TENM2: variants seen among roughly 807,000 people sequenced by gnomAD.
The protein encoded by TENM2 is teneurin-2.
In TENM2, 52 loss-of-function variants were observed where a neutral mutation model predicts 245.2. The ratio of observed to expected loss-of-function variants is 0.21; its 90% confidence interval spans 0.17 to 0.27. TENM2 has a LOEUF of 0.27. TENM2 is among the 10% of genes least tolerant of loss of function. The pLI is 1.00. For synonymous variants in TENM2, 1,363 were observed against 1,438.9 expected (o/e 0.95, Z 1.19); for missense variants, 3,046 against 3,666.8 (o/e 0.83, Z 4.37).
chr5:167,140,201 G>A, the TENM2 span, among the ~76,000 whole-genome samples: 3 of 152,042 alleles, frequency 2.0e-5, no homozygotes, highest in Non-Finnish European at 4.4e-5. Flanking sequence ...ATATTTATGG[G>A]GTACATGAGA....
intron 2 of TENM2, among the ~76,000 whole-genome samples, chr5:167,427,460 A>G (rs1234606483): frequency 6.6e-6 from 1 of 150,866 alleles, no homozygotes; most frequent in Non-Finnish European, 1.5e-5. Flanking sequence ...CAGGAAAAAA[A>G]GAAAGGAAGG....
chr5:167,245,507 T>C, the TENM2 span, among the ~76,000 whole-genome samples: 1 of 136,438 alleles, frequency 7.3e-6, no homozygotes, highest in Non-Finnish European at 1.5e-5. Flanking sequence ...GCCAGCCTTT[T>C]CTTTTTCTTT....
intron 5 of TENM2, among the ~76,000 whole-genome samples, chr5:168,012,975 A>G (rs946805304): frequency 6.6e-6 from 1 of 151,980 alleles, no homozygotes; most frequent in Non-Finnish European, 1.5e-5. Context: ...TTCCTGCCTC[A>G]TTGTCTAAGG....
chr5:167,612,365 A>G (rs547165049), intron 2 of TENM2, among the ~76,000 whole-genome samples: 1 of 152,210 alleles, frequency 6.6e-6, no homozygotes, highest in South Asian at 2.1e-4. Flanking sequence ...AGATAAGTTA[A>G]TGTGGCATTT....
chr5:167,322,209 ATT>A (rs1267930932), intron 1 of TENM2, among the ~76,000 whole-genome samples: 1 of 90,648 alleles, frequency 1.1e-5, no homozygotes, highest in Non-Finnish European at 2.2e-5. Context: ...GCTCAAAAAT[ATT>A]TGTTTTTTTT....
intron 2 of TENM2, among the ~76,000 whole-genome samples, chr5:167,630,967 A>C (rs1778828291): frequency 1.3e-5 from 2 of 152,306 alleles, no homozygotes; most frequent in Non-Finnish European, 2.9e-5. Flanking sequence ...GACCACTGGC[A>C]GAGATTGTTC....
chr5:167,440,961 A>G (rs1053989594), intron 2 of TENM2, among the ~76,000 whole-genome samples: 1 of 152,142 alleles, frequency 6.6e-6, no homozygotes, highest in Non-Finnish European at 1.5e-5. Context: ...GCTTTTCCTG[A>G]CCAGCATATG....
At chr5:167,752,837 C>A (rs950707544) in intron 2 of TENM2, among the ~76,000 whole-genome samples, 7 of 152,148 alleles carry the variant, frequency 4.6e-5, no homozygotes, top group African/African-American at 1.4e-4. Flanking sequence ...GAGCTGTGAA[C>A]TGATTTTACA....
chr5:167,130,258 G>A, the TENM2 span, among the ~76,000 whole-genome samples: 1 of 152,162 alleles, frequency 6.6e-6, no homozygotes, highest in Admixed American at 6.6e-5. Context: ...ATACAGATGA[G>A]TGTTTGCGCT....
intron 2 of TENM2, among the ~76,000 whole-genome samples, chr5:167,786,759 C>A (rs965458063): frequency 3.3e-5 from 5 of 152,218 alleles, no homozygotes; most frequent in South Asian, 2.1e-4. Context: ...TGTTCAGAGC[C>A]TGTCTTTACC....
intron 2 of TENM2, among the ~76,000 whole-genome samples, chr5:167,598,022 C>T (rs1404668793): frequency 6.6e-6 from 1 of 152,194 alleles, no homozygotes; most frequent in Non-Finnish European, 1.5e-5. Flanking sequence ...ATGAGTTTAG[C>T]TGCATTAACC....
intron 2 of TENM2, among the ~76,000 whole-genome samples, chr5:167,522,630 T>TA (rs958464654): frequency 6.6e-6 from 1 of 152,042 alleles, no homozygotes; most frequent in African/African-American, 2.4e-5. Context: ...CATATAAAAA[T>TA]AAAAATCTAC....
intron 13 of TENM2, among the ~76,000 whole-genome samples, chr5:168,174,226 A>G (rs1480734370): frequency 6.6e-6 from 1 of 152,016 alleles, no homozygotes; most frequent in African/African-American, 2.4e-5. Context: ...TGTTGCCTCC[A>G]TTGCACATGG....
chr5:167,593,117 T>C (rs1004773691), intron 2 of TENM2, among the ~76,000 whole-genome samples: 2 of 152,228 alleles, frequency 1.3e-5, no homozygotes, highest in East Asian at 1.9e-4. Flanking sequence ...TCACTTTGCA[T>C]GGTCCTGCCC....
At chr5:168,104,811 A>T (rs1157310190) in intron 9 of TENM2, among the ~76,000 whole-genome samples, 1 of 152,188 alleles carries the variant, frequency 6.6e-6, no homozygotes, top group Admixed American at 6.5e-5. Flanking sequence ...CCTGCCATGG[A>T]AATAACATGG....
intron 7 of TENM2, 118 bp downstream of exon 9, chr5:168,062,383 A>T (rs1790122975): frequency 2.4e-6 from 2 of 833,646 alleles, no homozygotes; most frequent in African/African-American, 3.5e-5. Flanking sequence ...TGGACAATAA[A>T]AATGTTGGCG....
chr5:168,229,329 T>C (rs184055541), intron 25 of TENM2, among the ~76,000 whole-genome samples: 4 of 151,144 alleles, frequency 2.6e-5, no homozygotes, highest in Admixed American at 1.3e-4. Flanking sequence ...TCCGTGGTCA[T>C]CCAGAGCTTC....
chr5:167,429,557 G>A (rs958255114), intron 2 of TENM2, among the ~76,000 whole-genome samples: 7 of 150,578 alleles, frequency 4.6e-5, no homozygotes, highest in Non-Finnish European at 5.9e-5. Flanking sequence ...GGGGAGAGCC[G>A]TGGAGGTCAT....
At chr5:167,156,144 G>A in the TENM2 span, among the ~76,000 whole-genome samples, 1 of 152,212 alleles carries the variant, frequency 6.6e-6, no homozygotes, top group Non-Finnish European at 1.5e-5. Flanking sequence ...GATGCCTACA[G>A]AGGAAAATGT....
Sources: allele counts gnomAD v4.1 joint callset (sites outside exome capture counted in the v4.1 genomes callset), GRCh38; gene constraint gnomAD v4.1.1; transcripts MANE v1.5; gene names NCBI Gene and HGNC (gene_info 2026-07-23, HGNC 2026-07-21).